The following RP1 variants were observed in gnomAD, a reference collection of about 807,000 sequenced individuals.
RP1 encodes the protein oxygen-regulated protein 1.
In RP1, 16 loss-of-function variants were observed where a neutral mutation model predicts 14.8. The ratio of observed to expected loss-of-function variants is 1.08; its 90% CI spans 0.73 to 1.65. The LOEUF (loss-of-function observed/expected upper bound fraction) is 1.65, where lower values mean the gene tolerates loss of function less well. Ranked by LOEUF, RP1 falls within the 40% of genes most tolerant of loss-of-function variation. RP1 has a pLI of 0.00. For missense variants in RP1, 2,631 were observed against 2,535.0 expected (o/e 1.04, Z -0.81); for synonymous variants, 876 against 883.6 (o/e 0.99, Z 0.15).
chr8:54,577,051 A>T (rs528598356), intron 1 of RP1, among the ~76,000 whole-genome samples: 1 of 152,176 alleles, frequency 6.6e-6, no homozygotes, highest in Admixed American at 6.5e-5. Context: ...GGTGTTTCAC[A>T]CTGTCACCCA....
rs185808054 is a variant in RP1 at position 54,859,354 on chromosome 8, G to C, written c.4069+2248G>C. Among the ~76,000 whole-genome samples the C allele has an allele frequency of 3.5e-5, 4 of 114,424 alleles. No homozygotes were observed. In the East Asian group the frequency reaches 1.1e-3, roughly 30 times the overall value. 75.1% of individuals were successfully genotyped at this position (114,424 alleles called of 152,430 possible). On this transcript the variant is annotated intron_variant, in intron 27 of 28. Transcript: ENST00000637698. ...TGTCACTGTAGGGTGGTGTCCCTGT[G>C]GAGTGTGTCACTGTGGAGCATTGTC...
intron 12 of RP1, among the ~76,000 whole-genome samples, chr8:54,684,929 G>A (rs384127): frequency 0.7 from 106,026 of 151,816 alleles, 37,428 homozygotes; most frequent in Middle Eastern, 0.84. Flanking sequence ...TATAAGTGGG[G>A]GCTGAACATG....
intron 19 of RP1, among the ~76,000 whole-genome samples, chr8:54,754,459 G>A (rs563632053): frequency 3.3e-5 from 5 of 151,884 alleles, no homozygotes; most frequent in Non-Finnish European, 5.9e-5. Flanking sequence ...TTACAAGTCC[G>A]ATTGATTAAG....
intron 24 of RP1, among the ~76,000 whole-genome samples, chr8:54,821,689 G>A (rs958800973): frequency 6.6e-6 from 1 of 152,076 alleles, no homozygotes; most frequent in African/African-American, 2.4e-5. Context: ...AAATTAGTAT[G>A]AACTCATGAC....
chr8:54,607,196 T>C (rs1490802439), intron 1 of RP1, among the ~76,000 whole-genome samples: 3 of 152,200 alleles, frequency 2.0e-5, no homozygotes, highest in Non-Finnish European at 4.4e-5. Context: ...TGGTGTTTGA[T>C]AATGGTGACA....
At chr8:54,746,958 T>C (rs575622777) in intron 19 of RP1, among the ~76,000 whole-genome samples, 1 of 152,320 alleles carries the variant, frequency 6.6e-6, no homozygotes, top group African/African-American at 2.4e-5. Context: ...TACCTAGTTA[T>C]ATAAGCCAGA....
In RP1 at chr8:54,589,143, G is replaced by A. The variant is rs566660246; in HGVS notation, c.-13+29823G>A. 9.5e-4 allele frequency among the ~76,000 whole-genome samples: 145 copies of A among 152,232 alleles called. 1 individual carries two copies. Among genetic ancestry groups the A allele is most frequent in the African/African-American group, 3.3e-3 (138 of 41,536 alleles). On this transcript the variant is annotated intron_variant, in intron 1 of 22. Transcript: ENST00000636932. The stretch of plus-strand genomic sequence containing the variant: ...GCACACAGCAGGCCCTCTGTAAATC[G>A]TTGACTTCCTCTCTCCCTCCCTGTC...
intron 24 of RP1, among the ~76,000 whole-genome samples, chr8:54,789,347 C>G (rs1160790636): frequency 6.6e-6 from 1 of 152,188 alleles, no homozygotes; most frequent in Non-Finnish European, 1.5e-5. Flanking sequence ...TGGAGCCTAA[C>G]TTACAGCCCT....
intron 15 of RP1, among the ~76,000 whole-genome samples, chr8:54,708,353 G>GT (rs529900167): frequency 0.41 from 58,793 of 144,024 alleles, 12,528 homozygotes; most frequent in African/African-American, 0.57. Flanking sequence ...GTGATTTCTG[G>GT]TTTTTTTTTT....
intron 1 of RP1, among the ~76,000 whole-genome samples, chr8:54,604,050 C>T (rs576928765): frequency 1.3e-5 from 2 of 152,212 alleles, no homozygotes; most frequent in East Asian, 1.9e-4. Flanking sequence ...GCCTGATTGC[C>T]CTGGCCAGAA....
chr8:54,720,030 C>T lies in RP1; in HGVS notation c.2212-99C>T, dbSNP rs537472130. The stretch of plus-strand genomic sequence containing the variant: ...AGGCTCTAGATTTATCATAGTGATT[C>T]GAAACGAGACAAAATTATATTCTTT... On this transcript the variant is annotated intron_variant, in intron 15 of 22. Transcript: ENST00000636932. 40 of 997,224 alleles carry T rather than the reference C, an allele frequency of 4.0e-5. No homozygotes were observed. The South Asian group carries it at 6.0e-4, about 15-fold the overall frequency. 61.8% of individuals were successfully genotyped at this position (997,224 alleles called of 1,614,324 possible).
intron 12 of RP1, among the ~76,000 whole-genome samples, chr8:54,698,742 C>T (rs908465494): frequency 1.3e-5 from 2 of 152,228 alleles, no homozygotes; most frequent in African/African-American, 4.8e-5. Flanking sequence ...TTTGCAGGGA[C>T]ATGGATGAAA....
chr8:54,692,579 AT>A (rs1181529563), intron 12 of RP1, among the ~76,000 whole-genome samples: 1 of 75,318 alleles, frequency 1.3e-5, no homozygotes, highest in Non-Finnish European at 2.5e-5. Flanking sequence ...GATAATGAGC[AT>A]TTTTTCATGT....
At chr8:54,585,676 C>T (rs1804904342) in intron 1 of RP1, among the ~76,000 whole-genome samples, 2 of 152,194 alleles carry the variant, frequency 1.3e-5, no homozygotes, top group Admixed American at 6.5e-5. Flanking sequence ...TCCTATATTT[C>T]TTGGAGGCTT....
chr8:54,734,474 C>T, intron 17 of RP1: 2 of 1,406,262 alleles, frequency 1.4e-6, no homozygotes, highest in Non-Finnish European at 1.9e-6. Context: ...TCCTTTGGCT[C>T]CAGTGTGACA....
chr8:54,816,264 C>A (rs1449090808), intron 24 of RP1, among the ~76,000 whole-genome samples: 2 of 152,136 alleles, frequency 1.3e-5, no homozygotes, highest in Non-Finnish European at 2.9e-5. Context: ...AAATTAAGAA[C>A]CCATAAAAAT....
chr8:54,605,898 C>A (rs1196711114), intron 1 of RP1, among the ~76,000 whole-genome samples: 1 of 150,438 alleles, frequency 6.6e-6, no homozygotes, highest in Non-Finnish European at 1.5e-5. Flanking sequence ...CTTGGTAGAT[C>A]TTCCTCCATC....
chr8:54,791,196 T>G lies in RP1; in HGVS notation c.3615+7486T>G, dbSNP rs1282187756. ...TGCAGGCTGGGAAAGAGTGGGATCA[T>G]ATATTCAAAATACTAAAAAAAACCT... On this transcript the variant is annotated intron_variant, in intron 24 of 28. Coordinates refer to the RP1 transcript ENST00000637698. 2.0e-5 allele frequency among the ~76,000 whole-genome samples: 3 copies of G among 151,834 alleles called. No homozygotes were observed. The East Asian group carries it at 5.8e-4, about 29-fold the overall frequency.
chr8:54,833,044 C>G (rs932132640), intron 24 of RP1, among the ~76,000 whole-genome samples: 4 of 151,960 alleles, frequency 2.6e-5, no homozygotes, highest in Non-Finnish European at 5.9e-5. Flanking sequence ...CTTTGAGCTC[C>G]TTGCAGTCAT....
Sources: gnomAD v4.1 joint callset for allele counts (sites outside exome capture counted in the v4.1 genomes callset) on GRCh38, gnomAD v4.1.1 for gene constraint, MANE v1.5 for transcripts, NCBI Gene and HGNC (gene_info 2026-07-23, HGNC 2026-07-21) for gene names.